PKIB: variants seen among roughly 807,000 people sequenced by gnomAD.
The protein encoded by PKIB is cAMP-dependent protein kinase inhibitor beta, also known as PKI-beta.
A neutral mutation model predicts 4.5 loss-of-function variants in PKIB; 2 were observed. That is an observed-to-expected ratio of 0.44 (90% CI 0.18 to 1.39). PKIB has a LOEUF of 1.39. Ranked by LOEUF, PKIB falls within the 40% of genes most tolerant of loss-of-function variation. The probability of loss-of-function intolerance (pLI) is 0.27; values close to 1 mark genes in which losing one functional copy is unlikely to be tolerated. For missense variants in PKIB, 94 were observed against 92.6 expected, an observed-to-expected ratio of 1.02 and a Z score of -0.06; for synonymous variants, 38 against 36.0, an observed-to-expected ratio of 1.06 and a Z score of -0.20.
intron 2 of PKIB, among the ~76,000 whole-genome samples, chr6:122,540,773 C>G (rs1269453821): frequency 6.6e-6 from 1 of 152,002 alleles, no homozygotes; most frequent in African/African-American, 2.4e-5. Flanking sequence ...CTAATGTTGA[C>G]AGTGGGATGT....
intron 2 of PKIB, among the ~76,000 whole-genome samples, chr6:122,552,556 T>G (rs1027892515): frequency 1.3e-5 from 2 of 151,994 alleles, no homozygotes; most frequent in African/African-American, 4.8e-5. Flanking sequence ...TTTTGTATTT[T>G]TAGTAGAGAT....
intron 3 of PKIB, among the ~76,000 whole-genome samples, chr6:122,601,126 G>T (rs1562265587): frequency 6.6e-6 from 1 of 151,224 alleles, no homozygotes; most frequent in South Asian, 2.1e-4. Flanking sequence ...AACACAGAAA[G>T]AAAAAGGGCC....
At chr6:122,488,414 T>C (rs1355827518) in intron 2 of PKIB, among the ~76,000 whole-genome samples, 1 of 152,082 alleles carries the variant, frequency 6.6e-6, no homozygotes, top group Admixed American at 6.5e-5. Context: ...CCCTTCATAT[T>C]CTTTTGTTTG....
At chr6:122,670,883 G>A (rs180744221) in intron 2 of PKIB, among the ~76,000 whole-genome samples, 171 of 152,246 alleles carry the variant, frequency 1.1e-3, no homozygotes, top group African/African-American at 7.9e-4. Flanking sequence ...CAGTTGAAGT[G>A]GTTAACTTGC....
At chr6:122,713,601 T>C (rs1480482111) in intron 3 of PKIB, among the ~76,000 whole-genome samples, 1 of 152,196 alleles carries the variant, frequency 6.6e-6, no homozygotes, top group Non-Finnish European at 1.5e-5. Flanking sequence ...AGATGGCTAC[T>C]GGGGGAAGGA....
At chr6:122,592,101 G>C (rs9375153) in intron 3 of PKIB, among the ~76,000 whole-genome samples, 15,279 of 151,288 alleles carry the variant, frequency 0.1, 965 homozygotes, top group East Asian at 0.18. Flanking sequence ...AAACACAGCT[G>C]AGGTGGTTGG....
intron 2 of PKIB, among the ~76,000 whole-genome samples, chr6:122,485,949 T>G (rs1194159260): frequency 6.6e-6 from 1 of 152,226 alleles, no homozygotes; most frequent in African/African-American, 2.4e-5. Flanking sequence ...TTACAACATA[T>G]GTCTTTTCTT....
At chr6:122,710,429 C>T (rs1779228335) in intron 3 of PKIB, among the ~76,000 whole-genome samples, 2 of 152,078 alleles carry the variant, frequency 1.3e-5, no homozygotes, top group Non-Finnish European at 2.9e-5. Context: ...CCCACTAGGG[C>T]AAATTCAGTG....
chr6:122,490,283 C>T (rs1775901155), intron 2 of PKIB, among the ~76,000 whole-genome samples: 1 of 152,176 alleles, frequency 6.6e-6, no homozygotes, highest in Non-Finnish European at 1.5e-5. Context: ...CACATGTTGG[C>T]TTCTTCAGGA....
At chr6:122,674,473 T>G (rs1051747383) in intron 2 of PKIB, among the ~76,000 whole-genome samples, 1 of 152,134 alleles carries the variant, frequency 6.6e-6, no homozygotes, top group South Asian at 2.1e-4. Flanking sequence ...TTCACCCTTC[T>G]TATGCCAGAT....
intron 2 of PKIB, among the ~76,000 whole-genome samples, chr6:122,539,865 T>C (rs190668511): frequency 0.017 from 2,540 of 152,170 alleles, 106 homozygotes; most frequent in African/African-American, 0.059. Flanking sequence ...CAGATCCTGT[T>C]ATTGGTCTAT....
At chr6:122,714,384 G>A (rs902947633) in intron 3 of PKIB, among the ~76,000 whole-genome samples, 1 of 152,100 alleles carries the variant, frequency 6.6e-6, no homozygotes, top group Non-Finnish European at 1.5e-5. Context: ...GGCCACTTCT[G>A]TTTTCGATCT....
At chr6:122,580,942 A>T (rs192810492) in intron 2 of PKIB, among the ~76,000 whole-genome samples, 29 of 152,218 alleles carry the variant, frequency 1.9e-4, no homozygotes, top group Non-Finnish European at 2.6e-4. Context: ...CATTATCATC[A>T]ATTCTTGTCT....
Position 122,726,361 on chromosome 6 carries a change from G to T in PKIB, c.*1166G>T, listed in dbSNP as rs1779951261. ...AAATAAACTCTTTCACTATTAAAGA[G>T]ATTTCTTACTGACACAAGTCTCCTT... On this transcript the variant is annotated 3_prime_UTR_variant, in exon 5 of 5. Coordinates refer to ENST00000368452, the MANE Select transcript of PKIB (RefSeq NM_181795.3). The T allele has an allele frequency of 6.6e-6, 1 of 152,096 alleles. No individual in the cohort carries two copies. Among genetic ancestry groups the T allele is most frequent in the African/African-American group, 2.4e-5 (1 of 41,460 alleles). The allele number at this position is 152,096 out of a possible 1,614,324, so 9.4% of individuals were successfully genotyped here.
At chr6:122,611,591 A>G (rs1285893816) in intron 1 of PKIB, among the ~76,000 whole-genome samples, 1 of 152,186 alleles carries the variant, frequency 6.6e-6, no homozygotes, top group Non-Finnish European at 1.5e-5. Flanking sequence ...AAATATTGCG[A>G]GTATTGCATT....
chr6:122,662,781 G>C (rs1237632273), intron 2 of PKIB, among the ~76,000 whole-genome samples: 1 of 152,158 alleles, frequency 6.6e-6, no homozygotes, highest in Non-Finnish European at 1.5e-5. Flanking sequence ...CTTTACTAAT[G>C]AGTAAACTGA....
chr6:122,704,319 C>T (rs951782334), intron 3 of PKIB, among the ~76,000 whole-genome samples: 2 of 151,948 alleles, frequency 1.3e-5, no homozygotes, highest in Non-Finnish European at 2.9e-5. Flanking sequence ...AGACACACCC[C>T]GAGAAATGGT....
At chr6:122,562,131 G>A (rs1332227489) in intron 2 of PKIB, among the ~76,000 whole-genome samples, 2 of 100,886 alleles carry the variant, frequency 2.0e-5, no homozygotes, top group Non-Finnish European at 4.3e-5. Flanking sequence ...TCTTTTAGCA[G>A]TTCTTGTCGT....
intron 1 of PKIB, among the ~76,000 whole-genome samples, chr6:122,619,891 C>T (rs1775154127): frequency 1.3e-5 from 2 of 152,166 alleles, no homozygotes; most frequent in Non-Finnish European, 2.9e-5. Context: ...CTACCTGGAA[C>T]AACTGTTCAA....
Sources: gnomAD v4.1 joint callset for allele counts (sites outside exome capture counted in the v4.1 genomes callset) on GRCh38, gnomAD v4.1.1 for gene constraint, MANE v1.5 for transcripts, NCBI Gene and HGNC (gene_info 2026-07-23, HGNC 2026-07-21) for gene names.